Variants in TRPM4 observed in about 807,000 individuals in gnomAD.
TRPM4 encodes the protein calcium-activated non-selective cation channel 1.
In TRPM4, 124 loss-of-function variants were observed where a neutral mutation model predicts 135.6. The observed-to-expected ratio is 0.91, with a 90% CI of 0.79 to 1.06. TRPM4 has a LOEUF of 1.06. Ranked by LOEUF, TRPM4 falls within the 50% of genes least tolerant of loss-of-function variation. The pLI is 0.00. For missense variants in TRPM4, 1,658 were observed against 1,671.4 expected, an observed-to-expected ratio of 0.99 and a Z score of 0.14; for synonymous variants, 745 against 705.6, an observed-to-expected ratio of 1.06 and a Z score of -0.88.
At chr19:49,205,678 G>A (rs932109209) in intron 20 of TRPM4, among the ~76,000 whole-genome samples, 6 of 151,480 alleles carry the variant, frequency 4.0e-5, no homozygotes, top group African/African-American at 1.5e-4. Flanking sequence ...TGGGATTACA[G>A]GTGCCTGCCA....
At chr19:49,162,460 G>A (rs746684873) in intron 2 of TRPM4, among the ~76,000 whole-genome samples, 4 of 152,058 alleles carry the variant, frequency 2.6e-5, no homozygotes, top group Admixed American at 6.6e-5. Flanking sequence ...AGTCGCTTGA[G>A]CCCAGGTGGC....
chr19:49,170,372 A>G (rs1360334468), intron 6 of TRPM4, among the ~76,000 whole-genome samples: 1 of 151,936 alleles, frequency 6.6e-6, no homozygotes, highest in Non-Finnish European at 1.5e-5. Context: ...TATTTTTGGT[A>G]GAGACGGGGT....
Position 49,196,639 on chromosome 19 carries a change from G to A in TRPM4, c.2410G>A (p.Asp804Asn), listed in dbSNP as rs756306307. Residue 804 changes from aspartate (D) to asparagine (N), a missense_variant, in exon 17 of 25, where the codon GAT (aspartate) becomes AAT (asparagine). This residue lies in a region of TRPM4 where 1,412 missense variants were observed against 1,408.7 expected (regional missense o/e 1.00). Transcript: ENST00000252826. Reference sequence around the variant, plus strand: ...GCTTTTCTCGCGGGTGCTGCTCGTGGATTTCCAGCCGGCGCCGCCCGGCTC... The same window carrying A: ...GCTTTTCTCGCGGGTGCTGCTCGTGAATTTCCAGCCGGCGCCGCCCGGCTC... ...LLLFSRVLLV[D>N]FQPAPPGSLE... The A allele has an allele frequency of 1.3e-5, 20 of 1,550,002 alleles. 1 individual carries two copies. The East Asian group carries it at 4.3e-4, about 34-fold the overall frequency.
At chr19:49,208,311 C>CAG (rs59463834) in intron 20 of TRPM4, among the ~76,000 whole-genome samples, 151,723 of 151,822 alleles carry the variant, frequency 1, 75,812 homozygotes, top group Middle Eastern at 1. Context: ...GGTGGTGGAG[C>CAG]AGTCTTCTCT....
chr19:49,210,984 G>A lies in TRPM4; in HGVS notation c.3462-31G>A, dbSNP rs1969341769. 2 of 1,610,148 alleles carry A rather than the reference G, an allele frequency of 1.2e-6. No homozygotes were observed. Among genetic ancestry groups the A allele is most frequent in the Non-Finnish European group, 1.7e-6 (2 of 1,178,014 alleles). On this transcript the variant is annotated intron_variant, in intron 22 of 24. Coordinates refer to ENST00000252826, the MANE Select transcript of TRPM4 (RefSeq NM_017636.4). This position sits in a 1 kb window ranked among gnomAD's most constrained non-coding sequence, Gnocchi z 4.1. ...AGCCCTGGGGGTGGGTGGGCTGCGG[G>A]TGCCCCCGGTAAGAGGCCCTCCCTT...
intron 9 of TRPM4, among the ~76,000 whole-genome samples, chr19:49,173,848 T>G (rs1967568936): frequency 6.6e-6 from 1 of 152,032 alleles, no homozygotes; most frequent in South Asian, 2.1e-4. Context: ...AAATTTTTTT[T>G]TTGTACAGAC....
At chr19:49,161,320 T>C (rs996100627) in intron 2 of TRPM4, among the ~76,000 whole-genome samples, 13 of 103,700 alleles carry the variant, frequency 1.3e-4, no homozygotes, top group African/African-American at 4.3e-4. Context: ...TCTGTCTCTC[T>C]CTCTTTTTTT....
In TRPM4 at chr19:49,172,031, A is replaced by G; in HGVS notation, c.1073A>G (p.Lys358Arg). ...QAQVERIMTRKELLTVYSSED... is the reference protein window; with the variant it reads ...QAQVERIMTRRELLTVYSSED... ...CAGGTGGAGAGGATTATGACCCGGA[A>G]GGAGCTCCTGACAGTCTATTCTTCT... Residue 358 changes from lysine (K) to arginine (R), a missense_variant, in exon 9 of 25, where the codon AAG becomes AGG. Lys to Arg is a conservative substitution (Grantham distance 26). Around this residue, in one of 3 missense-constraint regions of TRPM4, gnomAD observed 1,412 missense variants for 1,408.7 expected, o/e 1.00. Transcript: ENST00000252826. 1 of 1,613,282 alleles carries G rather than the reference A, an allele frequency of 6.2e-7. No individual in the cohort carries two copies. Among genetic ancestry groups the G allele is most frequent in the Non-Finnish European group, 8.5e-7 (1 of 1,179,260 alleles).
At chr19:49,166,868 C>T (rs1003514880) in intron 3 of TRPM4, among the ~76,000 whole-genome samples, 2 of 150,506 alleles carry the variant, frequency 1.3e-5, no homozygotes, top group Admixed American at 1.3e-4. Flanking sequence ...GTCTGTTTCC[C>T]CCTCTCTCTG....
chr19:49,192,302 C>G lies in TRPM4; in HGVS notation c.2210+1529C>G, dbSNP rs533508685. Among the ~76,000 whole-genome samples the G allele has an allele frequency of 3.3e-5, 5 of 152,180 alleles. No homozygotes were observed. The South Asian group carries it at 1.0e-3, about 32-fold the overall frequency. ...GGATTACAGTCACCTGCCACCACGC[C>G]CAGCTAATTTTTTTGTATTTTTAGT... is the stretch of plus-strand genomic sequence containing the variant. On this transcript the variant is annotated intron_variant, in intron 16 of 24. Coordinates refer to ENST00000252826, the MANE Select transcript of TRPM4 (RefSeq NM_017636.4).
chr19:49,169,959 C>G (rs568450778), intron 6 of TRPM4, among the ~76,000 whole-genome samples: 1 of 152,096 alleles, frequency 6.6e-6, no homozygotes, highest in Non-Finnish European at 1.5e-5. Context: ...AATCCTCTTA[C>G]CAAATTTTCT....
intron 2 of TRPM4, among the ~76,000 whole-genome samples, chr19:49,163,769 G>C (rs1336372522): frequency 2.0e-5 from 3 of 152,180 alleles, no homozygotes; most frequent in Non-Finnish European, 4.4e-5. Context: ...TGCTTGGATT[G>C]TGCCCAGCCG....
In TRPM4 at chr19:49,171,796, A is replaced by T; in HGVS notation, c.1050+27A>T. 6.2e-7 allele frequency: 1 copy of T among 1,602,508 alleles called. No homozygotes were observed. The highest frequency in any genetic ancestry group is 8.5e-7 in the Non-Finnish European group (1 of 1,175,892). ...TATGACACTGGGGGCCCAACTCTGGATCCTGAGATGGGAGGGAACTGGGGA... is the reference window on the plus strand; with the variant it reads ...TATGACACTGGGGGCCCAACTCTGGTTCCTGAGATGGGAGGGAACTGGGGA... On this transcript the variant is annotated intron_variant, in intron 8 of 24. Coordinates refer to ENST00000252826, the MANE Select transcript of TRPM4 (RefSeq NM_017636.4). This position sits in a 1 kb window ranked among gnomAD's most constrained non-coding sequence, Gnocchi z 4.7.
At chr19:49,164,641 C>G (rs1490171224) in intron 2 of TRPM4, among the ~76,000 whole-genome samples, 1 of 151,750 alleles carries the variant, frequency 6.6e-6, no homozygotes, top group Non-Finnish European at 1.5e-5. Flanking sequence ...CTCAGCCTCC[C>G]AAAGTGCTGG....
intron 17 of TRPM4, among the ~76,000 whole-genome samples, chr19:49,197,354 T>TTCTTTC (rs1383737407): frequency 1.9e-5 from 2 of 104,366 alleles, no homozygotes; most frequent in South Asian, 3.1e-4. Flanking sequence ...CTTTCTTTCT[T>TTCTTTC]TCTTTCTTTC....
At position 49,210,835 on chromosome 19, in the gene TRPM4, T is replaced by C. The variant is rs774090674; in HGVS notation, c.3454T>C (p.Ser1152Pro). ...ESDSERLKRT[S>P]QKVDLALKQL... The stretch of plus-strand genomic sequence containing the variant: ...CGACTCCGAGCGTCTGAAGCGCACG[T>C]CCCAGAAGTGAGAGCGGGGCCTGGT... The change falls in exon 22 of 25, where the codon TCC (serine) becomes CCC (proline). Residue 1152 changes from serine (S) to proline (P), a missense_variant. Around this residue, in one of 3 missense-constraint regions of TRPM4, gnomAD observed 1,412 missense variants for 1,408.7 expected, o/e 1.00. Transcript: ENST00000252826. This position sits in a 1 kb window ranked among gnomAD's most constrained non-coding sequence, Gnocchi z 4.1. 6.2e-7 allele frequency: 1 copy of C among 1,611,138 alleles called. No individual in the cohort carries two copies. Among genetic ancestry groups the C allele is most frequent in the Non-Finnish European group, 8.5e-7 (1 of 1,179,098 alleles).
chr19:49,211,127 TC>T lies in TRPM4; in HGVS notation c.3535-34del. On this transcript the variant is annotated intron_variant, in intron 23 of 24. Transcript: ENST00000252826. This position sits in a 1 kb window ranked among gnomAD's most constrained non-coding sequence, Gnocchi z 4.8. ...CCTGGCTGGGGGACTGTGGCAGGGG[TC>T]CCATCTCCCGCTCTGACATTCCTCC... 6.2e-7 allele frequency: 1 copy of T among 1,609,708 alleles called. No homozygotes were observed. Among genetic ancestry groups the T allele is most frequent in the East Asian group, 2.2e-5 (1 of 44,694 alleles).
chr19:49,170,999 A>G (rs1266054906), intron 6 of TRPM4, among the ~76,000 whole-genome samples: 1 of 152,068 alleles, frequency 6.6e-6, no homozygotes, highest in African/African-American at 2.4e-5. Flanking sequence ...AGGAGGATCA[A>G]GATGTAGTGA....
At chr19:49,187,731 T>C (rs1968250867) in intron 12 of TRPM4, among the ~76,000 whole-genome samples, 1 of 152,100 alleles carries the variant, frequency 6.6e-6, no homozygotes, top group African/African-American at 2.4e-5. Context: ...TTATTATCAC[T>C]CAAATCAGTC....
Sources: gnomAD v4.1 joint callset for allele counts (sites outside exome capture counted in the v4.1 genomes callset) on GRCh38, gnomAD v4.1.1 for gene constraint, gnomAD v4.1.1 regional missense constraint, Gnocchi (gnomAD v3.1) non-coding constraint, MANE v1.5 for transcripts, NCBI Gene and HGNC (gene_info 2026-07-23, HGNC 2026-07-21) for gene names.